Variants in MYO3B observed in about 807,000 individuals in gnomAD.
MYO3B encodes myosin IIIB, also known as myosin-IIIb.
A neutral mutation model predicts 174.6 loss-of-function variants in MYO3B; 156 were observed. That is an observed-to-expected ratio of 0.89 (90% CI 0.78 to 1.02). The LOEUF (loss-of-function observed/expected upper bound fraction) is 1.02. Among genes scored for constraint, MYO3B ranks in the 50% least tolerant of loss-of-function variants. MYO3B has a pLI of 0.00. For missense variants in MYO3B, 1,632 were observed against 1,639.4 expected (o/e 1.00, Z 0.08); for synonymous variants, 563 against 569.1 (o/e 0.99, Z 0.15).
At chr2:170,516,642 CAAA>C (rs35780085) in intron 29 of MYO3B, among the ~76,000 whole-genome samples, 43 of 108,198 alleles carry the variant, frequency 4.0e-4, no homozygotes, top group Admixed American at 9.5e-4. Context: ...GACTCCGTCT[CAAA>C]AAAAAAAAAA....
chr2:170,239,527 C>A (rs1321381318), intron 7 of MYO3B, among the ~76,000 whole-genome samples: 2 of 152,196 alleles, frequency 1.3e-5, no homozygotes, highest in African/African-American at 2.4e-5. Context: ...TGTCTCATCA[C>A]ACATTGAATA....
In MYO3B at chr2:170,653,084, C is replaced by A. The variant is rs1179200173; in HGVS notation, c.3989C>A (p.Ser1330Tyr). 1.2e-6 allele frequency: 2 copies of A among 1,613,950 alleles called. No individual in the cohort carries two copies. The highest frequency in any genetic ancestry group is 1.7e-6 in the Non-Finnish European group (2 of 1,179,948). ...ENNSAHPSFF[S>Y]SSSKGDSFAQ... ...AACTCAGCCCACCCTTCCTTTTTTT[C>A]TTCATCCTCAAAAGGAGACTCTTTT... Residue 1330 changes from serine (S) to tyrosine (Y), a missense_variant, in exon 35 of 35, where the codon TCT becomes TAT. Transcript: ENST00000408978.
At chr2:170,359,954 T>C (rs1465688073) in intron 8 of MYO3B, among the ~76,000 whole-genome samples, 3 of 105,156 alleles carry the variant, frequency 2.9e-5, no homozygotes, top group Non-Finnish European at 4.7e-5. Flanking sequence ...TTTGAATGAA[T>C]CAATGAAATC....
At chr2:170,450,832 A>G (rs1408800137) in intron 23 of MYO3B, among the ~76,000 whole-genome samples, 2 of 152,198 alleles carry the variant, frequency 1.3e-5, no homozygotes, top group East Asian at 3.8e-4. Context: ...AAACCCTGCT[A>G]TTCAGACACA....
intron 30 of MYO3B, among the ~76,000 whole-genome samples, chr2:170,535,161 A>G (rs965846750): frequency 2.6e-5 from 4 of 152,172 alleles, no homozygotes; most frequent in African/African-American, 9.6e-5. Flanking sequence ...GCAGAGGACT[A>G]TTGGATCTCC....
At chr2:170,579,014 T>C (rs1234390447) in intron 32 of MYO3B, among the ~76,000 whole-genome samples, 1 of 152,250 alleles carries the variant, frequency 6.6e-6, no homozygotes, top group Non-Finnish European at 1.5e-5. Flanking sequence ...GGATTGAATA[T>C]AATTACTCAG....
intron 23 of MYO3B, among the ~76,000 whole-genome samples, chr2:170,455,505 A>G (rs1223970725): frequency 6.6e-6 from 1 of 152,222 alleles, no homozygotes; most frequent in Non-Finnish European, 1.5e-5. Context: ...TACCTAAAAT[A>G]TGTTAGTCTT....
At chr2:170,323,749 C>G (rs566529359) in intron 7 of MYO3B, among the ~76,000 whole-genome samples, 1 of 152,266 alleles carries the variant, frequency 6.6e-6, no homozygotes, top group South Asian at 2.1e-4. Flanking sequence ...AGTAAGTACT[C>G]AAGAAGTGAG....
chr2:170,561,858 A>G (rs1371148885), intron 32 of MYO3B, among the ~76,000 whole-genome samples: 1 of 152,212 alleles, frequency 6.6e-6, no homozygotes, highest in Admixed American at 6.5e-5. Context: ...CGCAATACAT[A>G]AAAAGAATAG....
intron 25 of MYO3B, among the ~76,000 whole-genome samples, chr2:170,479,880 C>T (rs1214691155): frequency 2.0e-5 from 3 of 147,884 alleles, no homozygotes; most frequent in African/African-American, 7.4e-5. Context: ...TATATATATG[C>T]ACACATATTT....
chr2:170,516,541 G>T (rs1436962825), intron 29 of MYO3B, among the ~76,000 whole-genome samples: 1 of 151,716 alleles, frequency 6.6e-6, no homozygotes, highest in Non-Finnish European at 1.5e-5. Flanking sequence ...TGCTTGGGAG[G>T]CTGAGGCAGG....
chr2:170,492,479 T>C (rs1416243236), intron 25 of MYO3B, among the ~76,000 whole-genome samples: 1 of 152,246 alleles, frequency 6.6e-6, no homozygotes, highest in African/African-American at 2.4e-5. Flanking sequence ...TTGCCCACGT[T>C]GTGTTGAAAG....
chr2:170,345,002 G>A (rs915734369), intron 8 of MYO3B: 9 of 152,246 alleles, frequency 5.9e-5, no homozygotes, highest in Non-Finnish European at 1.3e-4. Context: ...ACACCTTTCC[G>A]GGTCTTTGCC....
intron 25 of MYO3B, among the ~76,000 whole-genome samples, chr2:170,491,260 G>A (rs1686447701): frequency 6.6e-6 from 1 of 151,906 alleles, no homozygotes; most frequent in Non-Finnish European, 1.5e-5. Context: ...TTAATTTAAA[G>A]TACTTTCCAA....
At chr2:170,620,321 G>A (rs1009810964) in intron 32 of MYO3B, among the ~76,000 whole-genome samples, 2 of 152,134 alleles carry the variant, frequency 1.3e-5, no homozygotes, top group Non-Finnish European at 2.9e-5. Context: ...CAATTAATAA[G>A]AGTTTACTGT....
At chr2:170,651,214 GTA>G (rs1394948557) in intron 32 of MYO3B, among the ~76,000 whole-genome samples, 5 of 152,170 alleles carry the variant, frequency 3.3e-5, no homozygotes, top group Non-Finnish European at 7.3e-5. Flanking sequence ...CTCCCCAAGA[GTA>G]TGTGTGCTCC....
intron 32 of MYO3B, among the ~76,000 whole-genome samples, chr2:170,609,321 G>A (rs948417369): frequency 5.3e-5 from 8 of 152,122 alleles, no homozygotes; most frequent in East Asian, 1.9e-4. Flanking sequence ...ACACACACAC[G>A]TACATGTCAT....
At chr2:170,556,439 T>G (rs983187816) in intron 32 of MYO3B, among the ~76,000 whole-genome samples, 3 of 152,212 alleles carry the variant, frequency 2.0e-5, no homozygotes, top group Non-Finnish European at 4.4e-5. Context: ...GGCTTTACCA[T>G]TTTGCATTTC....
intron 7 of MYO3B, among the ~76,000 whole-genome samples, chr2:170,294,921 T>TTCTGAAAAACTAAAATTAC (rs2093619829): frequency 1.3e-5 from 2 of 150,666 alleles, no homozygotes; most frequent in African/African-American, 2.4e-5. Context: ...TGCTCAATTT[T>TTCTGAAAAACTAAAATTAC]TCTGAAAAAC....
Sources: allele counts gnomAD v4.1 joint callset (sites outside exome capture counted in the v4.1 genomes callset), GRCh38; gene constraint gnomAD v4.1.1; transcripts MANE v1.5; gene names NCBI Gene and HGNC (gene_info 2026-07-23, HGNC 2026-07-21).